Variants in CSMD1 observed in about 807,000 individuals in gnomAD.
CSMD1 encodes CUB and sushi domain-containing protein 1.
CSMD1 carries 213 observed loss-of-function variants against 417.5 expected under a neutral mutation model. That is an observed-to-expected ratio of 0.51 (90% confidence interval 0.46 to 0.57). CSMD1 has a LOEUF of 0.57. Among genes scored for constraint, CSMD1 ranks in the 20% least tolerant of loss-of-function variants. The probability of loss-of-function intolerance (pLI) is 0.00; values close to 1 mark genes in which losing one functional copy is unlikely to be tolerated. For synonymous variants in CSMD1, 2,862 were observed against 1,736.8 expected (o/e 1.65, Z -16.11); for missense variants, 6,923 against 4,529.7 (o/e 1.53, Z -15.17).
At chr8:4,440,801 G>A (rs984293611) in intron 2 of CSMD1, among the ~76,000 whole-genome samples, 5 of 151,978 alleles carry the variant, frequency 3.3e-5, no homozygotes, top group Non-Finnish European at 5.9e-5. Flanking sequence ...TTCGGGACCA[G>A]CCTGGCTAAC....
At chr8:3,833,449 T>C (rs1300504321) in intron 5 of CSMD1, among the ~76,000 whole-genome samples, 4 of 152,150 alleles carry the variant, frequency 2.6e-5, no homozygotes, top group African/African-American at 9.6e-5. Context: ...TATGACAGTT[T>C]ACAAATCATT....
chr8:4,927,097 ATT>A (rs1354264707), intron 1 of CSMD1, among the ~76,000 whole-genome samples: 4 of 147,986 alleles, frequency 2.7e-5, no homozygotes, highest in Non-Finnish European at 4.5e-5. Flanking sequence ...CATTATTATT[ATT>A]ATTATTATTA....
chr8:3,883,186 G>C (rs940502407), intron 5 of CSMD1, among the ~76,000 whole-genome samples: 2 of 152,102 alleles, frequency 1.3e-5, no homozygotes, highest in Admixed American at 1.3e-4. Flanking sequence ...GGGTGCAAAT[G>C]CAAGAAATGC....
At chr8:3,165,830 CT>C (rs1213816003) in intron 37 of CSMD1, among the ~76,000 whole-genome samples, 1 of 152,026 alleles carries the variant, frequency 6.6e-6, no homozygotes, top group Admixed American at 6.5e-5. Context: ...GAACTCTGAG[CT>C]TTTTGGGAAT....
intron 12 of CSMD1, among the ~76,000 whole-genome samples, chr8:3,426,561 G>C (rs17322202): frequency 0.026 from 3,974 of 152,114 alleles, 64 homozygotes; most frequent in Middle Eastern, 0.044. Flanking sequence ...TAAACACCAG[G>C]ACAGATGAAG....
intron 3 of CSMD1, among the ~76,000 whole-genome samples, chr8:4,104,317 C>G (rs1193215174): frequency 1.3e-5 from 2 of 152,190 alleles, no homozygotes; most frequent in Admixed American, 6.5e-5. Flanking sequence ...TTGGTGTTCT[C>G]CACATGAGTG....
At position 4,957,623 on chromosome 8, in the gene CSMD1, G is replaced by T. The variant is rs1363413972; in HGVS notation, c.85+36709C>A. On this transcript the variant is annotated intron_variant, in intron 1 of 69. Transcript: ENST00000635120. Reference sequence around the variant, plus strand: ...CTCATATGAAAGAAAAAAATGCACTGAAGAAATAAATGATGTTTACCATTC... The same window carrying T: ...CTCATATGAAAGAAAAAAATGCACTTAAGAAATAAATGATGTTTACCATTC... 2.0e-5 allele frequency among the ~76,000 whole-genome samples: 3 copies of T among 152,118 alleles called. No individual in the cohort carries two copies. The East Asian group carries it at 5.8e-4, about 29-fold the overall frequency.
At chr8:4,393,073 T>C (rs920945688) in intron 3 of CSMD1, among the ~76,000 whole-genome samples, 5 of 151,884 alleles carry the variant, frequency 3.3e-5, no homozygotes, top group African/African-American at 1.2e-4. Context: ...CCTCCGGGGT[T>C]CAAGCGATTC....
chr8:3,640,511 G>C (rs1375601747), intron 7 of CSMD1, among the ~76,000 whole-genome samples: 3 of 152,108 alleles, frequency 2.0e-5, no homozygotes, highest in Admixed American at 6.6e-5. Flanking sequence ...AATTGTGTAG[G>C]TTATCTCAGA....
chr8:3,418,886 C>A (rs147728357), intron 12 of CSMD1, among the ~76,000 whole-genome samples: 4,360 of 152,230 alleles, frequency 0.029, 93 homozygotes, highest in South Asian at 0.043. Flanking sequence ...AAAACGAATA[C>A]AACAGCCAAG....
Position 4,085,528 on chromosome 8 carries a change from G to A in CSMD1, c.416-53429C>T, listed in dbSNP as rs572531416. ...TCCTAATATAAATTTTATCCTATCC[G>A]TTCTTTGTAACCCTAATAAGCTGGA... On this transcript the variant is annotated intron_variant, in intron 3 of 69. Transcript: ENST00000635120. Among the ~76,000 whole-genome samples the A allele has an allele frequency of 1.1e-4, 16 of 152,138 alleles. 1 individual carries two copies. The highest frequency in any genetic ancestry group is 3.3e-4 in the Admixed American group (5 of 15,276).
chr8:4,031,285 A>T (rs1797330809), intron 4 of CSMD1, among the ~76,000 whole-genome samples: 1 of 152,170 alleles, frequency 6.6e-6, no homozygotes, highest in African/African-American at 2.4e-5. Context: ...CAAAAGAAAG[A>T]AGTTTAATAG....
At chr8:4,359,286 C>G (rs1801615557) in intron 3 of CSMD1, among the ~76,000 whole-genome samples, 5 of 152,154 alleles carry the variant, frequency 3.3e-5, no homozygotes, top group Admixed American at 3.3e-4. Context: ...TAGATATATT[C>G]TGTGTATATA....
chr8:4,432,056 C>T (rs1248728275), intron 2 of CSMD1, among the ~76,000 whole-genome samples: 2 of 152,036 alleles, frequency 1.3e-5, no homozygotes, highest in Non-Finnish European at 2.9e-5. Context: ...GTAGTGCTCA[C>T]AGACTAAAAC....
chr8:4,281,377 C>G (rs1229336943), intron 3 of CSMD1, among the ~76,000 whole-genome samples: 2 of 152,138 alleles, frequency 1.3e-5, no homozygotes, highest in African/African-American at 2.4e-5. Context: ...TTGCATAAAC[C>G]AGTGGTTTTT....
chr8:4,136,941 A>T (rs1354780359), intron 3 of CSMD1, among the ~76,000 whole-genome samples: 2 of 152,360 alleles, frequency 1.3e-5, no homozygotes, highest in South Asian at 2.1e-4. Flanking sequence ...AGATTAAAAT[A>T]TCATCAAAAC....
intron 46 of CSMD1, among the ~76,000 whole-genome samples, chr8:3,100,734 G>A (rs1267995094): frequency 6.6e-6 from 1 of 152,158 alleles, no homozygotes; most frequent in Non-Finnish European, 1.5e-5. Flanking sequence ...CTTATTCAAC[G>A]CATCTCATAG....
At chr8:3,900,741 C>T (rs960481878) in intron 5 of CSMD1, among the ~76,000 whole-genome samples, 14 of 146,086 alleles carry the variant, frequency 9.6e-5, no homozygotes, top group Admixed American at 8.8e-4. Flanking sequence ...TAGCTAGCTG[C>T]CACCGCAACT....
intron 5 of CSMD1, among the ~76,000 whole-genome samples, chr8:3,855,390 T>TA (rs957238502): frequency 1.3e-5 from 2 of 151,930 alleles, no homozygotes; most frequent in Non-Finnish European, 2.9e-5. Context: ...CAGAACAAAA[T>TA]AAAAACAACA....
Sources: gnomAD v4.1 joint callset for allele counts (sites outside exome capture counted in the v4.1 genomes callset) on GRCh38, gnomAD v4.1.1 for gene constraint, MANE v1.5 for transcripts, NCBI Gene and HGNC (gene_info 2026-07-23, HGNC 2026-07-21) for gene names.